Variants in INPP4B observed in about 807,000 individuals in gnomAD.
The protein encoded by INPP4B is inositol polyphosphate 4-phosphatase type II.
In INPP4B, 55 loss-of-function variants were observed where a neutral mutation model predicts 122.5. The observed-to-expected ratio is 0.45, with a 90% confidence interval of 0.36 to 0.56. The LOEUF (loss-of-function observed/expected upper bound fraction) is 0.56. Ranked by LOEUF, INPP4B falls within the 20% of genes least tolerant of loss-of-function variation. INPP4B has a pLI of 0.00. For missense variants in INPP4B, 1,000 were observed against 1,097.7 expected (o/e 0.91, Z 1.26); for synonymous variants, 403 against 388.7 (o/e 1.04, Z -0.43).
chr4:142,523,034 C>T (rs75169508), intron 2 of INPP4B, among the ~76,000 whole-genome samples: 4,774 of 152,080 alleles, frequency 0.031, 118 homozygotes, highest in Non-Finnish European at 0.047. Flanking sequence ...TAAACTGGAG[C>T]ATCGCTTGAC....
intron 21 of INPP4B, among the ~76,000 whole-genome samples, chr4:142,118,708 C>T (rs1163414203): frequency 6.6e-6 from 1 of 152,136 alleles, no homozygotes; most frequent in Admixed American, 6.5e-5. Flanking sequence ...AAAACCTAGG[C>T]AATACCATTC....
intron 1 of INPP4B, among the ~76,000 whole-genome samples, chr4:142,737,450 C>A (rs1010975365): frequency 3.9e-5 from 6 of 152,114 alleles, no homozygotes; most frequent in African/African-American, 1.4e-4. Flanking sequence ...ACACCTTATA[C>A]AAAAATTAAT....
chr4:142,625,649 AACCAAAAAAG>A (rs1272840244), intron 2 of INPP4B, among the ~76,000 whole-genome samples: 1 of 151,994 alleles, frequency 6.6e-6, no homozygotes, highest in African/African-American at 2.4e-5. Context: ...GTTCATATGG[AACCAAAAAAG>A]AGCCCGCATC....
At chr4:142,634,794 T>C (rs990757651) in intron 2 of INPP4B, among the ~76,000 whole-genome samples, 1 of 152,030 alleles carries the variant, frequency 6.6e-6, no homozygotes, top group South Asian at 2.1e-4. Flanking sequence ...CTATCAATAT[T>C]ATAGTGGAGG....
intron 2 of INPP4B, among the ~76,000 whole-genome samples, chr4:142,610,266 C>T (rs148510836): frequency 6.2e-4 from 94 of 152,266 alleles, no homozygotes; most frequent in African/African-American, 2.0e-3. Flanking sequence ...CTTTGCTTAT[C>T]CTTTGCCTTC....
chr4:142,137,550 T>G (rs1214910441), intron 18 of INPP4B, among the ~76,000 whole-genome samples: 4 of 70,006 alleles, frequency 5.7e-5, no homozygotes, highest in African/African-American at 9.1e-5. Context: ...CTAATTAAAC[T>G]AAAGAGCTTC....
At chr4:142,236,468 T>C (rs979775818) in intron 12 of INPP4B, among the ~76,000 whole-genome samples, 6 of 152,204 alleles carry the variant, frequency 3.9e-5, no homozygotes, top group African/African-American at 7.2e-5. Flanking sequence ...TTGGCTCTTA[T>C]GGAATGTGCT....
At chr4:142,236,209 TCTAGTAAGAGTGGTTCTTGGTGTC>T (rs2149938456) in intron 12 of INPP4B, among the ~76,000 whole-genome samples, 1 of 152,330 alleles carries the variant, frequency 6.6e-6, no homozygotes, top group South Asian at 2.1e-4. Context: ...ATTACATGGC[TCTAGTAAGAGTGGTTCTTGGTGTC>T]CAGTGGTCTA....
At chr4:142,332,666 G>T (rs1190990435) in intron 7 of INPP4B, among the ~76,000 whole-genome samples, 1 of 151,946 alleles carries the variant, frequency 6.6e-6, no homozygotes, top group African/African-American at 2.4e-5. Flanking sequence ...CTCACAATTA[G>T]ATCATAACAG....
At chr4:142,559,723 G>A (rs1730026784) in intron 2 of INPP4B, among the ~76,000 whole-genome samples, 1 of 151,994 alleles carries the variant, frequency 6.6e-6, no homozygotes, top group Non-Finnish European at 1.5e-5. Flanking sequence ...TATGTCACTA[G>A]TTTAACTAGA....
At chr4:142,567,667 T>C (rs984746502) in intron 2 of INPP4B, among the ~76,000 whole-genome samples, 8 of 152,146 alleles carry the variant, frequency 5.3e-5, no homozygotes, top group African/African-American at 1.9e-4. Context: ...GAAATAGATA[T>C]ATACATATGG....
intron 6 of INPP4B, among the ~76,000 whole-genome samples, chr4:142,404,165 A>G (rs1003931685): frequency 4.6e-5 from 7 of 152,164 alleles, no homozygotes; most frequent in African/African-American, 1.7e-4. Context: ...TTATACCAAC[A>G]CTGGAACCTA....
chr4:142,720,630 G>T (rs1764403592), intron 2 of INPP4B, among the ~76,000 whole-genome samples: 1 of 143,380 alleles, frequency 7.0e-6, no homozygotes, highest in Non-Finnish European at 1.5e-5. Context: ...ATTTTTTATT[G>T]TCTGTTTTTT....
chr4:142,107,635 G>A (rs1332904743), intron 23 of INPP4B, among the ~76,000 whole-genome samples: 1 of 152,080 alleles, frequency 6.6e-6, no homozygotes, highest in Non-Finnish European at 1.5e-5. Context: ...TAATAAGTTA[G>A]TTCCCTCATT....
In INPP4B at chr4:142,480,127, T is replaced by C. The variant is rs570425677; in HGVS notation, c.-190-17401A>G. On this transcript the variant is annotated intron_variant, in intron 2 of 25. Transcript: ENST00000262992. Reference sequence around the variant, plus strand: ...CTACATGTGCCAAATATAGAAAGATTGCAAAGACATAAATGACTGCAAAAC... The same window carrying C: ...CTACATGTGCCAAATATAGAAAGATCGCAAAGACATAAATGACTGCAAAAC... Among the ~76,000 whole-genome samples, 51 of 152,334 alleles carry C rather than the reference T, an allele frequency of 3.3e-4. No individual in the cohort carries two copies. The South Asian group carries it at 0.01, about 31-fold the overall frequency.
At chr4:142,743,145 A>G (rs1017295893) in intron 1 of INPP4B, among the ~76,000 whole-genome samples, 4 of 151,972 alleles carry the variant, frequency 2.6e-5, no homozygotes, top group Non-Finnish European at 5.9e-5. Flanking sequence ...TGGCCAAAAT[A>G]TATTGGGAAA....
chr4:142,319,771 C>A (rs1165541284), intron 7 of INPP4B, among the ~76,000 whole-genome samples: 1 of 152,176 alleles, frequency 6.6e-6, no homozygotes, highest in Non-Finnish European at 1.5e-5. Context: ...TGAAAGAAAG[C>A]CATCTGCCAA....
intron 23 of INPP4B, among the ~76,000 whole-genome samples, chr4:142,089,943 T>A (rs531567719): frequency 1.3e-5 from 2 of 152,324 alleles, no homozygotes; most frequent in Non-Finnish European, 2.9e-5. Context: ...AAACTTTGTC[T>A]CTTAACTGCT....
At chr4:142,718,044 A>C (rs1172391623) in intron 2 of INPP4B, among the ~76,000 whole-genome samples, 2 of 152,114 alleles carry the variant, frequency 1.3e-5, no homozygotes, top group African/African-American at 4.8e-5. Flanking sequence ...CAGGGTAGAA[A>C]TAAGTAAGTC....
Sources: allele counts gnomAD v4.1 joint callset (sites outside exome capture counted in the v4.1 genomes callset), GRCh38; gene constraint gnomAD v4.1.1; transcripts MANE v1.5; gene names NCBI Gene and HGNC (gene_info 2026-07-23, HGNC 2026-07-21).